ADARB2: variants seen among roughly 807,000 people sequenced by gnomAD.
ADARB2 encodes the protein inactive double-stranded RNA-specific editase B2.
A neutral mutation model predicts 62.2 loss-of-function variants in ADARB2; 25 were observed. That is an observed-to-expected ratio of 0.40 (90% CI 0.29 to 0.56). ADARB2 has a LOEUF of 0.56. ADARB2 is among the 20% of genes least tolerant of loss of function. The probability of loss-of-function intolerance (pLI) is 0.43; values close to 1 mark genes in which losing one functional copy is unlikely to be tolerated. For synonymous variants in ADARB2, 572 were observed against 500.8 expected (o/e 1.14, Z -1.90); for missense variants, 1,071 against 1,077.4 (o/e 0.99, Z 0.08).
intron 1 of ADARB2, among the ~76,000 whole-genome samples, chr10:1,403,359 G>A (rs1021848692): frequency 6.6e-5 from 10 of 152,138 alleles, no homozygotes; most frequent in African/African-American, 2.4e-4. Flanking sequence ...CAGTCATTGC[G>A]GGGGCCCTAT....
intron 1 of ADARB2, among the ~76,000 whole-genome samples, chr10:1,459,507 A>T (rs1278682599): frequency 9.1e-6 from 1 of 109,408 alleles, no homozygotes; most frequent in Admixed American, 1.1e-4. Flanking sequence ...TTGTGCCTGT[A>T]ATCTCAGCAT....
chr10:1,244,074 C>T (rs56801098), intron 4 of ADARB2, among the ~76,000 whole-genome samples: 7 of 152,316 alleles, frequency 4.6e-5, no homozygotes, highest in South Asian at 4.1e-4. Context: ...ATCCTGGGTG[C>T]GGGGGCTGCC....
At chr10:1,276,460 C>T (rs1360493669) in intron 3 of ADARB2, among the ~76,000 whole-genome samples, 2 of 151,978 alleles carry the variant, frequency 1.3e-5, no homozygotes, top group Non-Finnish European at 2.9e-5. Flanking sequence ...TTGTAGTTTG[C>T]CTGTTCACTC....
chr10:1,419,233 A>G (rs939239064), intron 1 of ADARB2, among the ~76,000 whole-genome samples: 1 of 152,164 alleles, frequency 6.6e-6, no homozygotes, highest in Admixed American at 6.5e-5. Flanking sequence ...AGCTGGGATT[A>G]CAGGCACCCG....
intron 1 of ADARB2, among the ~76,000 whole-genome samples, chr10:1,583,565 C>T (rs113178709): frequency 2.7e-4 from 41 of 152,216 alleles, no homozygotes; most frequent in African/African-American, 7.7e-4. Context: ...AGGAAAACTA[C>T]GAAACTCGAA....
chr10:1,680,273 A>G lies in ADARB2; in HGVS notation c.100+56778T>C, dbSNP rs548990667. ...TACAAACTGCTTGGTGTTCTGGCCA[A>G]TTCTGAAGCATTCTCTCATCATCCA... On this transcript the variant is annotated intron_variant, in intron 1 of 9. Transcript: ENST00000381312. 2.0e-5 allele frequency among the ~76,000 whole-genome samples: 3 copies of G among 152,026 alleles called. No homozygotes were observed. The East Asian group carries it at 5.8e-4, about 30-fold the overall frequency.
intron 2 of ADARB2, 107 bp from the exon 3 acceptor site, chr10:1,364,024 G>GC: frequency 1.5e-6 from 2 of 1,362,094 alleles, no homozygotes; most frequent in East Asian, 2.9e-5. Flanking sequence ...CGCCGCCCGC[G>GC]CCCCCAGGTC....
chr10:1,618,370 G>A (rs1289676227), intron 1 of ADARB2, among the ~76,000 whole-genome samples: 1 of 152,068 alleles, frequency 6.6e-6, no homozygotes, highest in East Asian at 1.9e-4. Context: ...TTTTTAATAA[G>A]TCCAATAATG....
At chr10:1,591,042 G>A (rs971167143) in intron 1 of ADARB2, among the ~76,000 whole-genome samples, 1 of 152,232 alleles carries the variant, frequency 6.6e-6, no homozygotes, top group Non-Finnish European at 1.5e-5. Flanking sequence ...TCTATGTGTC[G>A]ATTATACCTC....
At chr10:1,560,240 A>G (rs957155816) in intron 1 of ADARB2, among the ~76,000 whole-genome samples, 3 of 152,186 alleles carry the variant, frequency 2.0e-5, no homozygotes, top group African/African-American at 7.2e-5. Context: ...AAAGAATAGG[A>G]TCTACTTTCT....
At chr10:1,411,369 C>G (rs1303220426) in intron 1 of ADARB2, among the ~76,000 whole-genome samples, 2 of 152,234 alleles carry the variant, frequency 1.3e-5, no homozygotes, top group Non-Finnish European at 2.9e-5. Flanking sequence ...CCCACCAGCC[C>G]AGGGCGGGAC....
intron 3 of ADARB2, among the ~76,000 whole-genome samples, chr10:1,279,824 G>T (rs989306133): frequency 1.3e-5 from 2 of 152,174 alleles, no homozygotes; most frequent in African/African-American, 4.8e-5. Context: ...ACTTGTTTGG[G>T]TTCCGTGGTT....
intron 3 of ADARB2, among the ~76,000 whole-genome samples, chr10:1,351,076 T>C (rs1332248600): frequency 6.6e-6 from 1 of 151,968 alleles, no homozygotes; most frequent in Non-Finnish European, 1.5e-5. Context: ...CCAGGATTCC[T>C]CCTAAGCCGT....
At chr10:1,551,968 G>T (rs1832630679) in intron 1 of ADARB2, among the ~76,000 whole-genome samples, 1 of 152,234 alleles carries the variant, frequency 6.6e-6, no homozygotes, top group South Asian at 2.1e-4. Context: ...GCCACCCCAG[G>T]GGGGCGGAGT....
At chr10:1,575,559 C>T (rs577684446) in intron 1 of ADARB2, among the ~76,000 whole-genome samples, 1 of 152,370 alleles carries the variant, frequency 6.6e-6, no homozygotes, top group African/African-American at 2.4e-5. Flanking sequence ...CCTGTTTGCA[C>T]ACACTGGAGA....
Position 1,182,081 on chromosome 10 carries a change from A to C in ADARB2, c.*1112T>G, listed in dbSNP as rs886697532. ...GAACTTTTTTGGGGTCTTGTCCTGC[A>C]AGGTGTTGATTGGAGAATCTGAAAG... On this transcript the variant is annotated 3_prime_UTR_variant, in exon 10 of 10. Coordinates refer to ENST00000381312, the MANE Select transcript of ADARB2 (RefSeq NM_018702.4). The C allele has an allele frequency of 6.6e-6, 1 of 152,188 alleles. No homozygotes were observed. The highest frequency in any genetic ancestry group is 2.4e-5 in the African/African-American group (1 of 41,442). The allele number at this position is 152,188 out of a possible 1,614,324, so 9.4% of individuals were successfully genotyped here.
intron 1 of ADARB2, among the ~76,000 whole-genome samples, chr10:1,647,387 G>T (rs571016080): frequency 2.0e-5 from 3 of 151,058 alleles, no homozygotes; most frequent in African/African-American, 7.3e-5. Context: ...ATATGTATGC[G>T]TATACATGTG....
chr10:1,448,836 T>C (rs982897569), intron 1 of ADARB2, among the ~76,000 whole-genome samples: 1 of 152,094 alleles, frequency 6.6e-6, no homozygotes, highest in South Asian at 2.1e-4. Flanking sequence ...AAAGGAGCCA[T>C]ACCCCCCCAG....
At chr10:1,267,613 T>C (rs960113726) in intron 4 of ADARB2, among the ~76,000 whole-genome samples, 1 of 152,188 alleles carries the variant, frequency 6.6e-6, no homozygotes, top group Non-Finnish European at 1.5e-5. Flanking sequence ...TCTTTCTTTT[T>C]TTTCAATAAG....
Sources: allele counts gnomAD v4.1 joint callset (sites outside exome capture counted in the v4.1 genomes callset), GRCh38; gene constraint gnomAD v4.1.1; transcripts MANE v1.5; gene names NCBI Gene and HGNC (gene_info 2026-07-23, HGNC 2026-07-21).